Variants in TENM3 observed in about 807,000 individuals in gnomAD.
TENM3 encodes teneurin-3.
Under a neutral mutation model 255.1 loss-of-function variants are expected in TENM3, and 63 were observed. The observed-to-expected ratio is 0.25, with a 90% CI of 0.20 to 0.30. TENM3 has a LOEUF of 0.30. Among genes scored for constraint, TENM3 ranks in the 10% least tolerant of loss-of-function variants. The probability of loss-of-function intolerance (pLI) is 1.00; values close to 1 mark genes in which losing one functional copy is unlikely to be tolerated. For synonymous variants in TENM3, 1,306 were observed against 1,322.3 expected, an observed-to-expected ratio of 0.99 and a Z score of 0.27; for missense variants, 2,929 against 3,461.1, an observed-to-expected ratio of 0.85 and a Z score of 3.86.
At chr4:182,313,183 A>G (rs1446353196) in intron 1 of TENM3, among the ~76,000 whole-genome samples, 1 of 151,590 alleles carries the variant, frequency 6.6e-6, no homozygotes, top group Non-Finnish European at 1.5e-5. Flanking sequence ...TAATGCATTG[A>G]TGAGAGTTAA....
At chr4:182,473,634 C>T (rs1193929135) in intron 3 of TENM3, among the ~76,000 whole-genome samples, 31 of 152,096 alleles carry the variant, frequency 2.0e-4, no homozygotes, top group Admixed American at 2.0e-3. Context: ...GATCGCGCCG[C>T]TGCACTCCAG....
At chr4:181,839,731 G>A in the TENM3 span, among the ~76,000 whole-genome samples, 1 of 151,402 alleles carries the variant, frequency 6.6e-6, no homozygotes, top group Admixed American at 6.6e-5. Context: ...TTGGTCTGTT[G>A]TTTCTGATGA....
chr4:182,062,176 G>C, the TENM3 span, among the ~76,000 whole-genome samples: 2 of 152,242 alleles, frequency 1.3e-5, no homozygotes, highest in Non-Finnish European at 2.9e-5. Flanking sequence ...TGGTGAAGCA[G>C]ATTAAACAGG....
At chr4:182,762,642 G>A (rs769872879) in intron 22 of TENM3, among the ~76,000 whole-genome samples, 1 of 152,170 alleles carries the variant, frequency 6.6e-6, no homozygotes, top group Admixed American at 6.5e-5. Context: ...AGCCTCCCAG[G>A]AAGGTGTTCA....
At chr4:182,213,060 A>T (rs1227478528) in intron 1 of TENM3, among the ~76,000 whole-genome samples, 1 of 152,226 alleles carries the variant, frequency 6.6e-6, no homozygotes, top group Non-Finnish European at 1.5e-5. Flanking sequence ...ATTGATTAGC[A>T]GTTAAAAGCA....
intron 3 of TENM3, among the ~76,000 whole-genome samples, chr4:182,448,666 G>C (rs575202237): frequency 3.6e-4 from 55 of 151,972 alleles, no homozygotes; most frequent in South Asian, 8.3e-4. Flanking sequence ...CGGCTCGCGA[G>C]CGTGCGTGTG....
At chr4:182,515,575 A>G (rs1481884469) in intron 3 of TENM3, among the ~76,000 whole-genome samples, 2 of 152,192 alleles carry the variant, frequency 1.3e-5, no homozygotes, top group Non-Finnish European at 2.9e-5. Flanking sequence ...TGTACACAAT[A>G]TGTATTTTAT....
intron 5 of TENM3, among the ~76,000 whole-genome samples, chr4:182,646,394 C>G (rs929162799): frequency 1.3e-5 from 2 of 152,100 alleles, no homozygotes; most frequent in African/African-American, 4.8e-5. Flanking sequence ...ATGCCCAGTA[C>G]TCTTGAGATG....
intron 1 of TENM3, among the ~76,000 whole-genome samples, chr4:182,223,699 T>C (rs1315283425): frequency 6.6e-6 from 1 of 151,504 alleles, no homozygotes; most frequent in Admixed American, 6.6e-5. Context: ...CACTAGATGT[T>C]TCTGTAATAT....
At chr4:182,073,493 G>A in the TENM3 span, among the ~76,000 whole-genome samples, 1 of 152,172 alleles carries the variant, frequency 6.6e-6, no homozygotes, top group Non-Finnish European at 1.5e-5. Context: ...TGGACTTCCA[G>A]CCTTCAGAAC....
At chr4:182,621,743 TAA>T (rs1750248742) in intron 4 of TENM3, among the ~76,000 whole-genome samples, 2 of 37,102 alleles carry the variant, frequency 5.4e-5, no homozygotes, top group African/African-American at 9.3e-5. Context: ...ATATAATATA[TAA>T]TATATTATAA....
intron 3 of TENM3, 55 bp downstream of exon 3, chr4:182,346,984 G>T: frequency 2.4e-6 from 3 of 1,246,200 alleles, no homozygotes; most frequent in Admixed American, 3.4e-5. Flanking sequence ...TGTCTGTTTT[G>T]GTTGACTCCG....
chr4:182,793,884 A>G lies in TENM3; in HGVS notation c.7212A>G (p.Thr2404=). Residue 2404 remains threonine (T), a splice_region_variant and synonymous_variant, in exon 26 of 28, where the codon ACA becomes ACG. Coordinates refer to ENST00000511685, the MANE Select transcript of TENM3 (RefSeq NM_001080477.4). This position sits in a 1 kb window ranked among gnomAD's most constrained non-coding sequence, Gnocchi z 5.7. ...TCCATGACGTGAAAGATTACATCAC[A>G]GGTAAGCATTTTGATTCCTTCCCAA... ...SKIHDVKDYI[T]DVNSWLVTFG... is the part of the protein sequence containing the mutation. The G allele has an allele frequency of 6.3e-7, 1 of 1,594,592 alleles. No individual in the cohort carries two copies. Among genetic ancestry groups the G allele is most frequent in the Non-Finnish European group, 8.6e-7 (1 of 1,169,342 alleles).
At position 182,628,674 on chromosome 4, in the gene TENM3, C is replaced by G; in HGVS notation, c.773C>G (p.Thr258Arg). ...AGGCATTTCCTATTCAAAACAGGAA[C>G]AGGTACAACGCCACTGTTCAGTACT... ...ESRHFLFKTGTGTTPLFSTAT... is the reference protein window; with the variant it reads ...ESRHFLFKTGRGTTPLFSTAT... The change falls in exon 5 of 28, where the codon ACA (threonine) becomes AGA (arginine). Residue 258 changes from threonine to arginine, a missense_variant. Physicochemically the swap from Thr to Arg is moderately conservative, Grantham distance 71. Coordinates refer to ENST00000511685, the MANE Select transcript of TENM3 (RefSeq NM_001080477.4). 1 of 1,596,072 alleles carries G rather than the reference C, an allele frequency of 6.3e-7. No homozygotes were observed. Among genetic ancestry groups the G allele is most frequent in the Non-Finnish European group, 8.5e-7 (1 of 1,170,552 alleles).
intron 3 of TENM3, among the ~76,000 whole-genome samples, chr4:182,420,671 A>G (rs1651396262): frequency 6.6e-6 from 1 of 152,240 alleles, no homozygotes; most frequent in Non-Finnish European, 1.5e-5. Flanking sequence ...GTGGGGGCAG[A>G]ATCCTGTGGA....
In TENM3 at chr4:182,323,938, C is replaced by T; in HGVS notation, c.-75-8C>T. On this transcript the variant is annotated splice_polypyrimidine_tract_variant and splice_region_variant and intron_variant, in intron 1 of 27. Coordinates refer to ENST00000511685, the MANE Select transcript of TENM3 (RefSeq NM_001080477.4). ...TGCTGACCTCATGCAAACCTTGTAT[C>T]TTCACAGAGAGGCCAATGAGACTTG... 2 of 1,218,580 alleles carry T rather than the reference C, an allele frequency of 1.6e-6. No homozygotes were observed. Among genetic ancestry groups the T allele is most frequent in the South Asian group, 2.7e-5 (2 of 75,326 alleles). 75.5% of individuals were successfully genotyped at this position (1,218,580 alleles called of 1,614,324 possible). A position where few individuals can be genotyped will look rare whatever the true frequency, so the allele number is the denominator to read the frequency against.
the TENM3 span, among the ~76,000 whole-genome samples, chr4:181,493,711 T>C: frequency 6.6e-6 from 1 of 152,046 alleles, no homozygotes; most frequent in African/African-American, 2.4e-5. Flanking sequence ...ACTATTGCAC[T>C]CCAGCCTGGG....
chr4:181,601,387 G>A, the TENM3 span, among the ~76,000 whole-genome samples: 1 of 152,082 alleles, frequency 6.6e-6, no homozygotes, highest in Non-Finnish European at 1.5e-5. Context: ...CAATTCTGAA[G>A]GCCAGAAGTC....
chr4:182,158,622 C>T (rs577173427), intron 1 of TENM3, among the ~76,000 whole-genome samples: 1 of 152,270 alleles, frequency 6.6e-6, no homozygotes, highest in Non-Finnish European at 1.5e-5. Context: ...CAGAATTACT[C>T]ATGGCAGGGA....
Sources: gnomAD v4.1 joint callset for allele counts (sites outside exome capture counted in the v4.1 genomes callset) on GRCh38, gnomAD v4.1.1 for gene constraint, Gnocchi (gnomAD v3.1) non-coding constraint, MANE v1.5 for transcripts, NCBI Gene and HGNC (gene_info 2026-07-23, HGNC 2026-07-21) for gene names.